KHDRBS3: variants seen among roughly 807,000 people sequenced by gnomAD.
The protein encoded by KHDRBS3 is KH RNA binding domain containing, signal transduction associated 3.
Under a neutral mutation model 45.6 loss-of-function variants are expected in KHDRBS3, and 23 were observed. That is an observed-to-expected ratio of 0.50 (90% CI 0.36 to 0.72). KHDRBS3 has a LOEUF of 0.72. KHDRBS3 is among the 30% of genes least tolerant of loss of function. KHDRBS3 has a pLI of 0.00. For missense variants in KHDRBS3, 352 were observed against 424.8 expected (o/e 0.83, Z 1.51); for synonymous variants, 162 against 156.5 (o/e 1.04, Z -0.26).
intron 4 of KHDRBS3, among the ~76,000 whole-genome samples, chr8:135,552,541 G>A (rs182494929): frequency 6.6e-5 from 10 of 152,062 alleles, no homozygotes; most frequent in Admixed American, 6.6e-4. Context: ...CTGTTTCTTT[G>A]CATGTTTCTT....
chr8:135,463,211 T>G (rs772665559), intron 1 of KHDRBS3, among the ~76,000 whole-genome samples: 8 of 152,190 alleles, frequency 5.3e-5, no homozygotes, highest in Non-Finnish European at 1.2e-4. Flanking sequence ...CTAGCATACG[T>G]CTGAGCACAG....
At chr8:135,480,323 T>G (rs1221696102) in intron 1 of KHDRBS3, among the ~76,000 whole-genome samples, 3 of 152,084 alleles carry the variant, frequency 2.0e-5, no homozygotes, top group African/African-American at 7.2e-5. Flanking sequence ...GCATACAGAT[T>G]GGAAAGGAAA....
chr8:135,601,124 G>C lies in KHDRBS3; in HGVS notation c.808-5831G>C, dbSNP rs541824300. ...AACCAGCTGAGGAAAATTCAGGAAAGAGGTGAGAGGACTAAACAGAGAAGG... is the reference window on the plus strand; with the variant it reads ...AACCAGCTGAGGAAAATTCAGGAAACAGGTGAGAGGACTAAACAGAGAAGG... On this transcript the variant is annotated intron_variant, in intron 6 of 8. Coordinates refer to ENST00000355849, the MANE Select transcript of KHDRBS3 (RefSeq NM_006558.3). 5.3e-5 allele frequency among the ~76,000 whole-genome samples: 8 copies of C among 152,340 alleles called. No homozygotes were observed. In the South Asian group the frequency reaches 1.2e-3, roughly 24 times the overall value.
At chr8:135,520,029 A>G (rs1474017066) in intron 1 of KHDRBS3, among the ~76,000 whole-genome samples, 1 of 152,218 alleles carries the variant, frequency 6.6e-6, no homozygotes, top group Non-Finnish European at 1.5e-5. Flanking sequence ...TTTGGAGCCA[A>G]ACAAATCTGA....
chr8:135,608,339 C>G (rs999076872), intron 7 of KHDRBS3, among the ~76,000 whole-genome samples: 1 of 152,168 alleles, frequency 6.6e-6, no homozygotes, highest in Non-Finnish European at 1.5e-5. Flanking sequence ...AGTATGTAGT[C>G]TAAATATCCT....
chr8:135,489,508 T>A (rs1823031780), intron 1 of KHDRBS3, among the ~76,000 whole-genome samples: 1 of 152,008 alleles, frequency 6.6e-6, no homozygotes, highest in Admixed American at 6.6e-5. Flanking sequence ...TGAAACCCTG[T>A]CTCTACTAAA....
chr8:135,579,575 G>T (rs1012869992), intron 5 of KHDRBS3, among the ~76,000 whole-genome samples: 1 of 152,170 alleles, frequency 6.6e-6, no homozygotes, highest in Admixed American at 6.5e-5. Context: ...GATCTCAAGT[G>T]ATCCACCCAT....
At chr8:135,574,682 A>G (rs1191838073) in intron 5 of KHDRBS3, among the ~76,000 whole-genome samples, 5 of 152,370 alleles carry the variant, frequency 3.3e-5, no homozygotes, top group Admixed American at 6.5e-5. Context: ...TGAAAATGTC[A>G]CAAAGGAGTT....
rs1831198518 is a variant in KHDRBS3 at position 135,644,465 on chromosome 8, G to A, written c.891-594G>A. On this transcript the variant is annotated intron_variant, in intron 7 of 8. Transcript: ENST00000355849. ...TTCCCAGCAGCTTCCGGATGGTGAT[G>A]CAACAGTGCCGGTCAAAGAAAACAT... Among the ~76,000 whole-genome samples the A allele has an allele frequency of 2.6e-5, 4 of 152,198 alleles. No homozygotes were observed. The South Asian group carries it at 8.3e-4, about 31-fold the overall frequency.
chr8:135,464,029 C>G lies in KHDRBS3; in HGVS notation c.88+6075C>G, dbSNP rs112510363. Among the ~76,000 whole-genome samples the G allele has an allele frequency of 3.9e-5, 6 of 152,202 alleles. 1 individual carries two copies. Among genetic ancestry groups the G allele is most frequent in the African/African-American group, 1.4e-4 (6 of 41,510 alleles). On this transcript the variant is annotated intron_variant, in intron 1 of 8. Transcript: ENST00000355849. ...CCTTTATTTTTTTCAAATGAGGCCT[C>G]TAAGGCTCAAAAACACTAAGTAACT...
intron 1 of KHDRBS3, among the ~76,000 whole-genome samples, chr8:135,494,786 C>T (rs1823349233): frequency 6.6e-6 from 1 of 152,218 alleles, no homozygotes; most frequent in Non-Finnish European, 1.5e-5. Flanking sequence ...TTCTCATCCC[C>T]TCCACCATCG....
At chr8:135,530,084 CTG>C (rs1052441698) in intron 2 of KHDRBS3, among the ~76,000 whole-genome samples, 81 of 150,918 alleles carry the variant, frequency 5.4e-4, no homozygotes, top group Middle Eastern at 3.5e-3. Flanking sequence ...AAATTAAAGT[CTG>C]TGATGAATTT....
chr8:135,531,404 AT>A (rs1825469702), intron 2 of KHDRBS3, among the ~76,000 whole-genome samples: 2 of 131,464 alleles, frequency 1.5e-5, no homozygotes, highest in South Asian at 5.3e-4. Context: ...TAGCTTTAAT[AT>A]AGTAATCTCT....
At chr8:135,646,480 C>T (rs1035375142) in intron 8 of KHDRBS3, among the ~76,000 whole-genome samples, 4 of 152,170 alleles carry the variant, frequency 2.6e-5, no homozygotes, top group Non-Finnish European at 4.4e-5. Context: ...TCCGTGAAAG[C>T]GCCTGTGAAA....
At chr8:135,564,890 T>C (rs1827329044) in intron 5 of KHDRBS3, among the ~76,000 whole-genome samples, 1 of 152,166 alleles carries the variant, frequency 6.6e-6, no homozygotes, top group Non-Finnish European at 1.5e-5. Context: ...TGCTCACTGC[T>C]CAAAAGCCAG....
At chr8:135,579,694 A>G (rs1031437947) in intron 5 of KHDRBS3, among the ~76,000 whole-genome samples, 1 of 152,162 alleles carries the variant, frequency 6.6e-6, no homozygotes, top group African/African-American at 2.4e-5. Flanking sequence ...GAATGTCGCC[A>G]TTGGCCGCAT....
Position 135,582,084 on chromosome 8 carries a change from G to A in KHDRBS3, c.807+11G>A, listed in dbSNP as rs527373532. 27 of 1,523,382 alleles carry A rather than the reference G, an allele frequency of 1.8e-5. No individual in the cohort carries two copies. In the South Asian group the frequency reaches 3.0e-4, roughly 17 times the overall value. The allele number at this position is 1,523,382 out of a possible 1,614,324, so 94.4% of individuals were successfully genotyped here. A position where few individuals can be genotyped will look rare whatever the true frequency, so the allele number is the denominator to read the frequency against. ...ACTTATGGAGAATATGTAAGTGAAG[G>A]TGTCAGACAACAGCCTTGTTCATCA... On this transcript the variant is annotated intron_variant, in intron 6 of 8. Transcript: ENST00000355849.
intron 5 of KHDRBS3, among the ~76,000 whole-genome samples, chr8:135,560,522 A>G (rs935576104): frequency 6.6e-6 from 1 of 152,162 alleles, no homozygotes; most frequent in Non-Finnish European, 1.5e-5. Context: ...TGTTCCTCAC[A>G]CTAGATCTGC....
intron 1 of KHDRBS3, among the ~76,000 whole-genome samples, chr8:135,466,572 A>G (rs572189669): frequency 3.9e-5 from 6 of 152,242 alleles, no homozygotes; most frequent in Admixed American, 1.3e-4. Context: ...GCTTTGGAAT[A>G]TATAAATCAA....
Sources: gnomAD v4.1 joint callset for allele counts (sites outside exome capture counted in the v4.1 genomes callset) on GRCh38, gnomAD v4.1.1 for gene constraint, MANE v1.5 for transcripts, NCBI Gene and HGNC (gene_info 2026-07-23, HGNC 2026-07-21) for gene names.